Variants in FOXJ3 observed in about 807,000 individuals in gnomAD.
FOXJ3 encodes forkhead box protein J3.
FOXJ3 carries 22 observed loss-of-function variants against 76.1 expected under a neutral mutation model. That is an observed-to-expected ratio of 0.29 (90% confidence interval 0.21 to 0.41). FOXJ3 has a LOEUF of 0.41. Ranked by LOEUF, FOXJ3 falls within the 10% of genes least tolerant of loss-of-function variation. The probability of loss-of-function intolerance (pLI) is 1.00; values close to 1 mark genes in which losing one functional copy is unlikely to be tolerated. For synonymous variants in FOXJ3, 269 were observed against 261.2 expected (o/e 1.03, Z -0.29); for missense variants, 613 against 762.1 (o/e 0.80, Z 2.30).
intron 5 of FOXJ3, among the ~76,000 whole-genome samples, chr1:42,212,325 TA>T (rs965962284): frequency 1.3e-5 from 2 of 152,044 alleles, no homozygotes; most frequent in African/African-American, 4.8e-5. Flanking sequence ...AGAAAAAATT[TA>T]AAAAAACAAT....
At chr1:42,199,010 C>T (rs1260983638) in intron 7 of FOXJ3, 92 bp downstream of exon 7, 7 of 1,025,074 alleles carry the variant, frequency 6.8e-6, no homozygotes, top group Non-Finnish European at 1.0e-5. Context: ...AAAAACATAC[C>T]TTCATTTTTA....
chr1:42,320,688 A>C (rs1557723391), intron 1 of FOXJ3, among the ~76,000 whole-genome samples: 1 of 152,340 alleles, frequency 6.6e-6, no homozygotes, highest in East Asian at 1.9e-4. Flanking sequence ...ATATGTTTAA[A>C]TCACCTTTAT....
At chr1:42,273,674 CAAAAAA>C (rs35528514) in intron 3 of FOXJ3, among the ~76,000 whole-genome samples, 1 of 86,370 alleles carries the variant, frequency 1.2e-5, no homozygotes, top group Non-Finnish European at 2.1e-5. Context: ...CACTCCATCT[CAAAAAA>C]AAAAAAAAAA....
chr1:42,304,785 AC>A (rs1654358530), intron 2 of FOXJ3, among the ~76,000 whole-genome samples: 1 of 152,248 alleles, frequency 6.6e-6, no homozygotes, highest in African/African-American at 2.4e-5. Flanking sequence ...CTCAAACTAA[AC>A]TACTAAAAGA....
At chr1:42,267,224 T>C (rs1305629687) in intron 3 of FOXJ3, among the ~76,000 whole-genome samples, 2 of 151,872 alleles carry the variant, frequency 1.3e-5, no homozygotes, top group East Asian at 1.9e-4. Flanking sequence ...AGCATACCAC[T>C]GAATAACAAG....
At chr1:42,334,441 C>T (rs1368087153) in intron 1 of FOXJ3, among the ~76,000 whole-genome samples, 1 of 152,138 alleles carries the variant, frequency 6.6e-6, no homozygotes, top group Non-Finnish European at 1.5e-5. Context: ...AGACACTCTA[C>T]CACGTGGGCA....
chr1:42,306,991 C>T (rs895829399), intron 2 of FOXJ3, among the ~76,000 whole-genome samples: 2 of 152,206 alleles, frequency 1.3e-5, no homozygotes, highest in Admixed American at 1.3e-4. Context: ...TGCACTAAGA[C>T]TCTCTGTGAA....
At chr1:42,188,972 A>T in intron 10 of FOXJ3, 44 bp from the exon 11 acceptor site, 1 of 1,247,698 alleles carries the variant, frequency 8.0e-7, no homozygotes, top group Non-Finnish European at 1.1e-6. Flanking sequence ...GTTATGCAAT[A>T]AACATTGCAA....
chr1:42,247,974 C>T (rs992964942), intron 4 of FOXJ3, among the ~76,000 whole-genome samples: 5 of 152,078 alleles, frequency 3.3e-5, no homozygotes, highest in African/African-American at 1.2e-4. Flanking sequence ...TCCTGAAAAC[C>T]TTATGCTAAG....
chr1:42,247,391 G>C (rs913203779), intron 4 of FOXJ3, among the ~76,000 whole-genome samples: 1 of 151,942 alleles, frequency 6.6e-6, no homozygotes, highest in Admixed American at 6.6e-5. Flanking sequence ...TAGCAATACA[G>C]GATCTGTATC....
chr1:42,243,833 G>T (rs148324675), intron 4 of FOXJ3, among the ~76,000 whole-genome samples: 2 of 152,104 alleles, frequency 1.3e-5, no homozygotes, highest in South Asian at 4.1e-4. Context: ...CCTAAAAAAC[G>T]TCTACCGAAT....
intron 7 of FOXJ3, among the ~76,000 whole-genome samples, chr1:42,197,464 C>A (rs963104366): frequency 1.3e-5 from 2 of 152,192 alleles, no homozygotes; most frequent in Admixed American, 6.5e-5. Flanking sequence ...CATAATGTAT[C>A]TAGATACAGC....
chr1:42,307,730 C>A (rs1473396873), intron 2 of FOXJ3, among the ~76,000 whole-genome samples: 1 of 152,176 alleles, frequency 6.6e-6, no homozygotes, highest in Non-Finnish European at 1.5e-5. Flanking sequence ...ACTATCACTA[C>A]AAACTACTTT....
At chr1:42,196,575 C>T (rs994234116) in intron 7 of FOXJ3, among the ~76,000 whole-genome samples, 4 of 152,174 alleles carry the variant, frequency 2.6e-5, no homozygotes, top group African/African-American at 9.7e-5. Context: ...CGCCTGCAAT[C>T]CCAGCAACTT....
intron 11 of FOXJ3, among the ~76,000 whole-genome samples, chr1:42,182,467 A>C (rs988507868): frequency 2.0e-5 from 3 of 152,214 alleles, no homozygotes; most frequent in Non-Finnish European, 4.4e-5. Flanking sequence ...TTAGTTTGAC[A>C]GTGCTAGGAC....
chr1:42,238,561 G>C (rs1379083459), intron 4 of FOXJ3, among the ~76,000 whole-genome samples: 1 of 151,896 alleles, frequency 6.6e-6, no homozygotes, highest in Admixed American at 6.6e-5. Flanking sequence ...AACCTATGAG[G>C]AATTATTTTT....
chr1:42,248,782 G>A (rs937875407), intron 4 of FOXJ3, among the ~76,000 whole-genome samples: 6 of 137,654 alleles, frequency 4.4e-5, no homozygotes, highest in East Asian at 2.1e-4. Context: ...AGTGCAGAAC[G>A]TGCAGGTTTG....
At chr1:42,302,725 C>G (rs900911210) in intron 2 of FOXJ3, among the ~76,000 whole-genome samples, 10 of 152,180 alleles carry the variant, frequency 6.6e-5, no homozygotes, top group African/African-American at 2.4e-4. Context: ...CTTATTATAT[C>G]AAATCATTTA....
intron 2 of FOXJ3, among the ~76,000 whole-genome samples, chr1:42,296,622 T>G (rs1009879978): frequency 4.6e-5 from 7 of 152,234 alleles, no homozygotes. Flanking sequence ...GTTGTAGGTA[T>G]GTGGCTTTAT....
Sources: allele counts gnomAD v4.1 joint callset (sites outside exome capture counted in the v4.1 genomes callset), GRCh38; gene constraint gnomAD v4.1.1; transcripts MANE v1.5; gene names NCBI Gene and HGNC (gene_info 2026-07-23, HGNC 2026-07-21).